Variants in DDX60L observed in about 807,000 individuals in gnomAD.
The protein encoded by DDX60L is DExD/H-box 60 like, also known as probable ATP-dependent RNA helicase DDX60-like.
DDX60L carries 191 observed loss-of-function variants against 211.6 expected under a neutral mutation model. The ratio of observed to expected loss-of-function variants is 0.90; its 90% CI spans 0.80 to 1.02. The LOEUF is 1.02. DDX60L is among the 50% of genes least tolerant of loss of function. The pLI, the probability that DDX60L is intolerant of heterozygous loss-of-function variation, is 0.00. For synonymous variants in DDX60L, 706 were observed against 694.1 expected (o/e 1.02, Z -0.27); for missense variants, 2,007 against 1,984.1 (o/e 1.01, Z -0.22).
intron 6 of DDX60L, among the ~76,000 whole-genome samples, chr4:168,456,946 C>T (rs116133654): frequency 0.015 from 2,272 of 152,058 alleles, 64 homozygotes; most frequent in African/African-American, 0.052. Context: ...CATGGTGGCT[C>T]ACAGCTATAA....
chr4:168,390,246 G>A, intron 29 of DDX60L: 1 of 1,061,930 alleles, frequency 9.4e-7, no homozygotes, highest in Non-Finnish European at 1.1e-6. Flanking sequence ...GCAAGGAAGA[G>A]AAAAAAGGAG....
chr4:168,442,837 T>C lies in DDX60L; in HGVS notation c.1139-1345A>G, dbSNP rs1429034316. ...GGGTCCTCTCTGTTAGAAGGAAAAC[T>C]AACAAACAGAAAGGACATCCACACC... On this transcript the variant is annotated intron_variant, in intron 9 of 37. Transcript: ENST00000682922. Among the ~76,000 whole-genome samples, 1,459 of 150,912 alleles carry C rather than the reference T, an allele frequency of 9.7e-3. 29 individuals carry two copies. Among genetic ancestry groups the C allele is most frequent in the African/African-American group, 0.033 (1,373 of 41,004 alleles).
At chr4:168,440,236 A>G (rs576997841) in intron 10 of DDX60L, among the ~76,000 whole-genome samples, 1 of 152,160 alleles carries the variant, frequency 6.6e-6, no homozygotes, top group African/African-American at 2.4e-5. Flanking sequence ...CACACACACA[A>G]AAAAAGATTG....
At chr4:168,421,677 A>C in intron 17 of DDX60L, 83 bp downstream of exon 17, 2 of 1,522,324 alleles carry the variant, frequency 1.3e-6, no homozygotes, top group Non-Finnish European at 1.8e-6. Context: ...ACAGTGAATT[A>C]GATCTAGCAT....
chr4:168,422,969 T>TTGTGTG (rs5863932), intron 15 of DDX60L, among the ~76,000 whole-genome samples: 2 of 132,962 alleles, frequency 1.5e-5, no homozygotes, highest in Non-Finnish European at 3.1e-5. Flanking sequence ...GTGGCTAATA[T>TTGTGTG]TGTGTGTGTG....
At chr4:168,377,751 G>T (rs1028770707) in intron 33 of DDX60L, 1 of 152,076 alleles carries the variant, frequency 6.6e-6, no homozygotes, top group African/African-American at 2.4e-5. Flanking sequence ...ATTCACTAGG[G>T]TTACTGGATA....
chr4:168,427,662 A>G lies in DDX60L; in HGVS notation c.1678-340T>C, dbSNP rs139971912. Among the ~76,000 whole-genome samples the G allele has an allele frequency of 3.1e-3, 470 of 152,272 alleles. 3 individuals are homozygous for G. Among genetic ancestry groups the G allele is most frequent in the African/African-American group, 0.01 (435 of 41,556 alleles). ...GTAGGGCAGCTTCTTGGGGATTTGG[A>G]ACTTAATTAATTTATTCATTCTCCA... On this transcript the variant is annotated intron_variant, in intron 13 of 37. Transcript: ENST00000682922.
chr4:168,375,629 A>C, intron 33 of DDX60L, 105 bp from the exon 34 acceptor site: 2 of 1,045,186 alleles, frequency 1.9e-6, no homozygotes, highest in Non-Finnish European at 2.6e-6. Context: ...ATGCTCATTC[A>C]TCAAAACCCT....
intron 24 of DDX60L, among the ~76,000 whole-genome samples, chr4:168,405,472 G>A (rs866680243): frequency 1.3e-5 from 2 of 152,206 alleles, no homozygotes; most frequent in Middle Eastern, 3.2e-3. Flanking sequence ...AAATTTGCCT[G>A]AGCCTCTTTC....
intron 9 of DDX60L, among the ~76,000 whole-genome samples, chr4:168,442,210 A>G (rs1424210370): frequency 6.6e-6 from 1 of 152,178 alleles, no homozygotes; most frequent in Non-Finnish European, 1.5e-5. Context: ...GGGGTCAGGG[A>G]GTTCCCTTTC....
At chr4:168,478,348 G>A (rs1220728091) in intron 1 of DDX60L, among the ~76,000 whole-genome samples, 1 of 152,178 alleles carries the variant, frequency 6.6e-6, no homozygotes, top group East Asian at 1.9e-4. Flanking sequence ...ATGCTAATTT[G>A]AGAGGGAATT....
intron 17 of DDX60L, among the ~76,000 whole-genome samples, chr4:168,420,702 CAGAT>C (rs1411030278): frequency 1.5e-3 from 211 of 145,316 alleles, no homozygotes; most frequent in African/African-American, 4.7e-3. Flanking sequence ...GACAGACAGA[CAGAT>C]ATTACATATC....
intron 4 of DDX60L, among the ~76,000 whole-genome samples, chr4:168,467,427 A>G (rs1395403347): frequency 7.5e-6 from 1 of 132,982 alleles, no homozygotes; most frequent in Admixed American, 7.3e-5. Flanking sequence ...TTAAAAAAAG[A>G]AAATTTAGTT....
intron 19 of DDX60L, among the ~76,000 whole-genome samples, chr4:168,418,377 A>G (rs1031451979): frequency 1.3e-5 from 2 of 152,124 alleles, no homozygotes; most frequent in African/African-American, 4.8e-5. Context: ...CTCATTACCC[A>G]TGTTTTAACA....
At position 168,422,405 on chromosome 4, in the gene DDX60L, T is replaced by A. The variant is rs538452249; in HGVS notation, c.2244+119A>T. 53 of 929,744 alleles carry A rather than the reference T, an allele frequency of 5.7e-5. No individual in the cohort carries two copies. The African/African-American group carries it at 7.5e-4, about 13-fold the overall frequency. 57.6% of individuals were successfully genotyped at this position (929,744 alleles called of 1,614,324 possible). On this transcript the variant is annotated intron_variant, in intron 16 of 37. Transcript: ENST00000682922. ...CTCTAGTTACATTCTCCAGGCACAG[T>A]AGAGGAAAGACATTAAACAAGATTA...
At chr4:168,457,682 G>T (rs1294219581) in intron 6 of DDX60L, among the ~76,000 whole-genome samples, 2 of 151,938 alleles carry the variant, frequency 1.3e-5, no homozygotes, top group African/African-American at 4.8e-5. Context: ...TTAAAATATG[G>T]CTTCCGGAAA....
intron 24 of DDX60L, 91 bp downstream of exon 24, chr4:168,405,859 A>G: frequency 1.5e-6 from 2 of 1,359,554 alleles, no homozygotes; most frequent in Non-Finnish European, 2.0e-6. Context: ...CGGAATAAAA[A>G]GATTACAAAA....
Position 168,420,392 on chromosome 4 carries a change from G to GA in DDX60L, c.2395-13dup, listed in dbSNP as rs751984058. ...TGACCAACAAGGGACTGATTGACAA[G>GA]AAAAAAAACCATTAGTCACTTAGTA... is the stretch of plus-strand genomic sequence containing the variant. On this transcript the variant is annotated splice_polypyrimidine_tract_variant and intron_variant, in intron 17 of 37. Coordinates refer to ENST00000682922, the MANE Select transcript of DDX60L (RefSeq NM_001012967.3). The GA allele has an allele frequency of 1.1e-5, 17 of 1,579,954 alleles. No individual in the cohort carries two copies. Among genetic ancestry groups the GA allele is most frequent in the South Asian group, 8.1e-5 (7 of 86,550 alleles).
At chr4:168,449,637 C>CAAAAAAAAAATGCAAAAAAAAAAAAAAAA (rs1755407799) in intron 8 of DDX60L, among the ~76,000 whole-genome samples, 9 of 44,842 alleles carry the variant, frequency 2.0e-4, no homozygotes, top group Admixed American at 3.1e-4. Flanking sequence ...AACATTAAAA[C>CAAAAAAAAAATGCAAAAAAAAAAAAAAAA]AAAAAAAAAA....
Sources: gnomAD v4.1 joint callset for allele counts (sites outside exome capture counted in the v4.1 genomes callset) on GRCh38, gnomAD v4.1.1 for gene constraint, MANE v1.5 for transcripts, NCBI Gene and HGNC (gene_info 2026-07-23, HGNC 2026-07-21) for gene names.